RAB4B: variants seen among roughly 807,000 people sequenced by gnomAD.
RAB4B encodes ras-related protein Rab-4B.
Under a neutral mutation model 28.3 loss-of-function variants are expected in RAB4B, and 15 were observed. The observed-to-expected ratio is 0.53, with a 90% CI of 0.35 to 0.82. The LOEUF (loss-of-function observed/expected upper bound fraction) is 0.82. Ranked by LOEUF, RAB4B falls within the 40% of genes least tolerant of loss-of-function variation. The probability of loss-of-function intolerance (pLI) is 0.01; values close to 1 mark genes in which losing one functional copy is unlikely to be tolerated. For missense variants in RAB4B, 244 were observed against 288.5 expected, an observed-to-expected ratio of 0.85 and a Z score of 1.12; for synonymous variants, 108 against 116.3, an observed-to-expected ratio of 0.93 and a Z score of 0.46.
chr19:40,784,531 G>A (rs114642216), intron 5 of RAB4B, among the ~76,000 whole-genome samples: 2 of 152,132 alleles, frequency 1.3e-5, no homozygotes, highest in African/African-American at 4.8e-5. Flanking sequence ...ACAAAACTAA[G>A]TGTTGCCATC....
intron 5 of RAB4B, chr19:40,786,142 G>C (rs963830429): frequency 5.4e-6 from 1 of 185,280 alleles, no homozygotes; most frequent in African/African-American, 2.4e-5. Flanking sequence ...GCCAAGTTTG[G>C]GAGGCACAGG....
At position 40,780,516 on chromosome 19, in the gene RAB4B, C is replaced by A; in HGVS notation, c.212+17C>A. 1 of 1,599,306 alleles carries A rather than the reference C, an allele frequency of 6.3e-7. No homozygotes were observed. The highest frequency in any genetic ancestry group is 8.6e-7 in the Non-Finnish European group (1 of 1,168,294). ...GCGGTTTCGGTAGGTGGGCTGGGCT[C>A]CCAAGGGTGATGGGGAGAGAGAGTG... On this transcript the variant is annotated intron_variant, in intron 3 of 7. Transcript: ENST00000357052.
At chr19:40,791,954 C>T (rs1411600545) in intron 7 of RAB4B, among the ~76,000 whole-genome samples, 3 of 152,204 alleles carry the variant, frequency 2.0e-5, no homozygotes, top group Non-Finnish European at 4.4e-5. Context: ...GACAGGCTTT[C>T]AAAACCCTGC....
chr19:40,795,867 C>A (rs1290568944), intron 7 of RAB4B, among the ~76,000 whole-genome samples: 1 of 152,018 alleles, frequency 6.6e-6, no homozygotes, highest in African/African-American at 2.4e-5. Flanking sequence ...GCCACCACAC[C>A]TGGCTAATTT....
intron 5 of RAB4B, 156 bp from the exon 6 acceptor site, chr19:40,786,509 G>A (rs1038428077): frequency 5.3e-6 from 6 of 1,124,976 alleles, no homozygotes; most frequent in African/African-American, 4.7e-5. Context: ...ATCGGGAAGC[G>A]GACATTAGTG....
rs1001457878 is a variant in RAB4B, at chr19:40,780,602, GCAGA to G, written c.212+108_212+111del. The G allele has an allele frequency of 6.5e-5, 61 of 935,522 alleles. No homozygotes were observed. In the Admixed American group the frequency reaches 8.1e-4, roughly 12 times the overall value. 58.0% of individuals were successfully genotyped at this position (935,522 alleles called of 1,614,324 possible). The stretch of plus-strand genomic sequence containing the variant: ...TGGAGACACTGAGAGGGCAGACAAG[GCAGA>G]CAGAGAGAGATGAGACACCGTAGTT... On this transcript the variant is annotated intron_variant, in intron 3 of 7. Coordinates refer to ENST00000357052, the MANE Select transcript of RAB4B (RefSeq NM_016154.5).
chr19:40,792,202 C>G (rs572012116), intron 7 of RAB4B: 10 of 152,360 alleles, frequency 6.6e-5, no homozygotes, highest in African/African-American at 2.4e-4. Flanking sequence ...AGACAGTGCT[C>G]TCTTGTCTTT....
At chr19:40,781,292 AAAT>A (rs1305851351) in intron 3 of RAB4B, among the ~76,000 whole-genome samples, 2 of 143,436 alleles carry the variant, frequency 1.4e-5, no homozygotes, top group Non-Finnish European at 3.0e-5. Flanking sequence ...GTCTCTGAAT[AAAT>A]AAATAAATAA....
intron 2 of RAB4B, 30 bp downstream of exon 2, chr19:40,780,129 C>G (rs769795600): frequency 1.2e-6 from 2 of 1,611,874 alleles, no homozygotes; most frequent in South Asian, 2.2e-5. Flanking sequence ...CCTGGGAACC[C>G]TGAGCTGTGT....
intron 5 of RAB4B, 80 bp from the exon 6 acceptor site, chr19:40,786,585 G>C (rs766645041): frequency 2.4e-5 from 38 of 1,585,178 alleles, no homozygotes; most frequent in Non-Finnish European, 3.0e-5. Context: ...TGGAGGAACA[G>C]GATGAGAGTC....
intron 7 of RAB4B, among the ~76,000 whole-genome samples, chr19:40,787,961 C>CAAAAAAA (rs56997006): frequency 2.9e-5 from 2 of 69,458 alleles, no homozygotes; most frequent in Admixed American, 4.0e-4. Context: ...GACTCTGTCT[C>CAAAAAAA]AAAAAAAAAA....
Position 40,784,008 on chromosome 19 carries a change from CAAG to C in RAB4B, c.367_369del (p.Lys123del). On this transcript the variant is annotated inframe_deletion, in exon 5 of 8. Coordinates refer to ENST00000357052, the MANE Select transcript of RAB4B (RefSeq NM_016154.5). ...ACATCGTGGTCATCCTCTGTGGCAA[CAAG>C]AAGGACCTGGACCCTGAGCGGGAGG... The C allele has an allele frequency of 6.2e-7, 1 of 1,614,144 alleles. No homozygotes were observed. Among genetic ancestry groups the C allele is most frequent in the Non-Finnish European group, 8.5e-7 (1 of 1,179,998 alleles).
chr19:40,795,674 C>T (rs776301595), intron 7 of RAB4B, among the ~76,000 whole-genome samples: 11 of 151,734 alleles, frequency 7.2e-5, no homozygotes, highest in East Asian at 3.9e-4. Context: ...GGATTACAGG[C>T]GTGAGCCACC....
At chr19:40,789,176 G>A (rs978052301) in intron 7 of RAB4B, among the ~76,000 whole-genome samples, 2 of 151,560 alleles carry the variant, frequency 1.3e-5, no homozygotes, top group African/African-American at 4.8e-5. Flanking sequence ...GATTACAGGC[G>A]TGAGCCACTG....
rs2083100563 is a variant in RAB4B at position 40,786,511 on chromosome 19, A to G, written c.431-154A>G. ...GCTGGGTGGGCATATCGGGAAGCGG[A>G]CATTAGTGGCAGGGAAATGGCATGC... is the stretch of plus-strand genomic sequence containing the variant. On this transcript the variant is annotated intron_variant, in intron 5 of 7. Transcript: ENST00000357052. The G allele has an allele frequency of 2.0e-5, 23 of 1,143,918 alleles. 1 individual carries two copies. The South Asian group carries it at 3.5e-4, about 17-fold the overall frequency. 70.9% of individuals were successfully genotyped at this position (1,143,918 alleles called of 1,614,324 possible).
intron 7 of RAB4B, among the ~76,000 whole-genome samples, chr19:40,789,237 T>C (rs1263085600): frequency 1.3e-5 from 2 of 150,544 alleles, no homozygotes; most frequent in African/African-American, 2.4e-5. Flanking sequence ...AGTTTCACTC[T>C]TGTTGCCCAG....
At chr19:40,791,490 C>T (rs982465885) in intron 7 of RAB4B, among the ~76,000 whole-genome samples, 1 of 152,112 alleles carries the variant, frequency 6.6e-6, no homozygotes, top group Non-Finnish European at 1.5e-5. Flanking sequence ...GTCTCCCTAC[C>T]TCTCAGGCCA....
intron 7 of RAB4B, among the ~76,000 whole-genome samples, chr19:40,793,946 C>CA (rs1430520913): frequency 6.6e-6 from 1 of 151,388 alleles, no homozygotes; most frequent in East Asian, 2.0e-4. Flanking sequence ...ACAAACAAAC[C>CA]AAAAAAACCA....
chr19:40,794,935 G>C (rs1197217000), intron 7 of RAB4B: 2 of 146,854 alleles, frequency 1.4e-5, no homozygotes, highest in Non-Finnish European at 3.0e-5. Context: ...ACAAGGTCAG[G>C]AGATGAAGAC....
Sources: gnomAD v4.1 joint callset for allele counts (sites outside exome capture counted in the v4.1 genomes callset) on GRCh38, gnomAD v4.1.1 for gene constraint, MANE v1.5 for transcripts, NCBI Gene and HGNC (gene_info 2026-07-23, HGNC 2026-07-21) for gene names.